The following SEMA6D variants were observed in gnomAD, a reference collection of about 807,000 sequenced individuals.
SEMA6D encodes semaphorin 6D.
SEMA6D carries 35 observed loss-of-function variants against 106.6 expected under a neutral mutation model. That is an observed-to-expected ratio of 0.33 (90% confidence interval 0.25 to 0.44). The LOEUF (loss-of-function observed/expected upper bound fraction) is 0.44. Among genes scored for constraint, SEMA6D ranks in the 20% least tolerant of loss-of-function variants. SEMA6D has a pLI of 1.00. For missense variants in SEMA6D, 1,185 were observed against 1,345.9 expected (o/e 0.88, Z 1.87); for synonymous variants, 499 against 487.7 (o/e 1.02, Z -0.31).
intron 1 of SEMA6D, among the ~76,000 whole-genome samples, chr15:47,321,259 A>T (rs2036911308): frequency 6.6e-6 from 1 of 152,200 alleles, no homozygotes; most frequent in African/African-American, 2.4e-5. Flanking sequence ...TCACTAAATC[A>T]TGTGCGACAG....
rs373054532 is a variant in SEMA6D, at chr15:47,418,622, A to G, written c.-159+6150A>G. Among the ~76,000 whole-genome samples, 13 of 152,212 alleles carry G rather than the reference A, an allele frequency of 8.5e-5. 1 individual carries two copies. The highest frequency in any genetic ancestry group is 1.7e-4 in the African/African-American group (7 of 41,556). The stretch of plus-strand genomic sequence containing the variant: ...CCCACCTCTTGATACCATCACCTAA[A>G]GGGTTAGGATTTCAACATAAGGATT... On this transcript the variant is annotated intron_variant, in intron 2 of 19. Transcript: ENST00000558014.
chr15:47,372,206 T>C (rs2039298084), intron 1 of SEMA6D, among the ~76,000 whole-genome samples: 1 of 152,220 alleles, frequency 6.6e-6, no homozygotes, highest in Non-Finnish European at 1.5e-5. Context: ...TTCATCTGTT[T>C]ATAGTTCTTC....
At chr15:47,361,037 A>G (rs1467362463) in intron 1 of SEMA6D, among the ~76,000 whole-genome samples, 1 of 152,236 alleles carries the variant, frequency 6.6e-6, no homozygotes, top group Non-Finnish European at 1.5e-5. Context: ...GCATATGTGC[A>G]TAGCAGCACA....
intron 3 of SEMA6D, among the ~76,000 whole-genome samples, chr15:47,487,698 T>C (rs1488772663): frequency 6.6e-6 from 1 of 152,232 alleles, no homozygotes; most frequent in Non-Finnish European, 1.5e-5. Flanking sequence ...ATTCTCTCCC[T>C]ATTTATAGAT....
intron 4 of SEMA6D, among the ~76,000 whole-genome samples, chr15:47,663,655 A>G (rs1462580330): frequency 6.6e-6 from 1 of 152,146 alleles, no homozygotes; most frequent in East Asian, 1.9e-4. Context: ...TGGAAACGAC[A>G]CCCCTCAGAA....
intron 1 of SEMA6D, among the ~76,000 whole-genome samples, chr15:47,254,875 T>TTG (rs58271041): frequency 0.23 from 30,431 of 134,086 alleles, 3,390 homozygotes; most frequent in South Asian, 0.36. Flanking sequence ...ACCTGTGGTT[T>TTG]TGTGTGTGTG....
rs186509554 is a variant in SEMA6D, at chr15:47,440,999, C to A, written c.-159+28527C>A. On this transcript the variant is annotated intron_variant, in intron 2 of 19. Coordinates refer to the SEMA6D transcript ENST00000558014. ...CCTTGTGTGTAACTTGCTCCTTCTT[C>A]CTTTTGCCTTTGAAATGTTACCATT... Among the ~76,000 whole-genome samples the A allele has an allele frequency of 1.1e-4, 16 of 152,196 alleles. No homozygotes were observed. The East Asian group carries it at 1.7e-3, about 17-fold the overall frequency.
chr15:47,704,222 G>C (rs1270100887), intron 4 of SEMA6D, among the ~76,000 whole-genome samples: 1 of 152,052 alleles, frequency 6.6e-6, no homozygotes, highest in South Asian at 2.1e-4. Context: ...TTGAACTCAA[G>C]CAATGCTCCC....
At chr15:47,671,773 T>C (rs950109444) in intron 4 of SEMA6D, among the ~76,000 whole-genome samples, 2 of 152,072 alleles carry the variant, frequency 1.3e-5, no homozygotes, top group Non-Finnish European at 2.9e-5. Context: ...TGAAGAGATG[T>C]GAAAGAAGCA....
At chr15:47,709,990 C>T (rs114168618) in intron 4 of SEMA6D, among the ~76,000 whole-genome samples, 579 of 152,002 alleles carry the variant, frequency 3.8e-3, no homozygotes, top group African/African-American at 0.014. Context: ...TTTCTCAAAG[C>T]ACAATAAATA....
chr15:47,419,803 G>A (rs1197755847), intron 2 of SEMA6D, among the ~76,000 whole-genome samples: 2 of 152,128 alleles, frequency 1.3e-5, no homozygotes, highest in Non-Finnish European at 2.9e-5. Flanking sequence ...AAGACTTTCA[G>A]GAAGTATGAG....
At chr15:47,332,146 G>C (rs2037367176) in intron 1 of SEMA6D, among the ~76,000 whole-genome samples, 1 of 152,174 alleles carries the variant, frequency 6.6e-6, no homozygotes, top group African/African-American at 2.4e-5. Context: ...CACCTAACAA[G>C]ACATCTTTGG....
rs1470163471 is a variant in SEMA6D, at chr15:47,367,237, C to G, written c.-238-45156C>G. Among the ~76,000 whole-genome samples the G allele has an allele frequency of 3.7e-4, 56 of 152,032 alleles. 1 individual carries two copies. The highest frequency in any genetic ancestry group is 2.9e-5 in the Non-Finnish European group (2 of 68,012). On this transcript the variant is annotated intron_variant, in intron 1 of 19. Transcript: ENST00000558014. ...TGCTTCTTCCCTTTCCCTGACTGTCCTCCTTCCCCCCCTTCTTCAAATTAC... is the reference window on the plus strand; with the variant it reads ...TGCTTCTTCCCTTTCCCTGACTGTCGTCCTTCCCCCCCTTCTTCAAATTAC...
intron 4 of SEMA6D, among the ~76,000 whole-genome samples, chr15:47,665,892 A>G (rs1170467061): frequency 1.3e-5 from 2 of 152,194 alleles, no homozygotes; most frequent in Non-Finnish European, 2.9e-5. Flanking sequence ...TAACACTCCC[A>G]TTTTTGCAGA....
intron 3 of SEMA6D, among the ~76,000 whole-genome samples, chr15:47,476,689 G>A (rs761117208): frequency 7.9e-5 from 12 of 152,066 alleles, no homozygotes; most frequent in Non-Finnish European, 1.6e-4. Flanking sequence ...CACGCCCCAG[G>A]CATACCGTCT....
At chr15:47,240,088 A>G (rs2032811712) in intron 1 of SEMA6D, among the ~76,000 whole-genome samples, 1 of 152,154 alleles carries the variant, frequency 6.6e-6, no homozygotes, top group South Asian at 2.1e-4. Flanking sequence ...ACATATGGTA[A>G]TTGGTCATCC....
At chr15:47,724,402 G>C (rs2079608490) in intron 1 of SEMA6D, among the ~76,000 whole-genome samples, 1 of 152,220 alleles carries the variant, frequency 6.6e-6, no homozygotes, top group African/African-American at 2.4e-5. Flanking sequence ...TGTACAAATA[G>C]CTGAAACGCT....
At chr15:47,495,634 C>T (rs534473955) in intron 3 of SEMA6D, among the ~76,000 whole-genome samples, 1 of 152,088 alleles carries the variant, frequency 6.6e-6, no homozygotes, top group African/African-American at 2.4e-5. Flanking sequence ...TGGGGTGGTA[C>T]TTTCAACTTT....
At chr15:47,763,351 G>A (rs2082163995) in intron 9 of SEMA6D, among the ~76,000 whole-genome samples, 1 of 152,174 alleles carries the variant, frequency 6.6e-6, no homozygotes, top group Non-Finnish European at 1.5e-5. Context: ...CAGCCACAGA[G>A]AGTGTTCTAC....
Sources: gnomAD v4.1 joint callset for allele counts (sites outside exome capture counted in the v4.1 genomes callset) on GRCh38, gnomAD v4.1.1 for gene constraint, MANE v1.5 for transcripts, NCBI Gene and HGNC (gene_info 2026-07-23, HGNC 2026-07-21) for gene names.